HDHD5: variants seen among roughly 807,000 people sequenced by gnomAD.
The protein encoded by HDHD5 is haloacid dehalogenase like hydrolase domain containing 5.
HDHD5 carries 34 observed loss-of-function variants against 35.5 expected under a neutral mutation model. The observed-to-expected ratio is 0.96, with a 90% CI of 0.73 to 1.28. The LOEUF (loss-of-function observed/expected upper bound fraction) is 1.28. Ranked by LOEUF, HDHD5 falls within the 50% of genes most tolerant of loss-of-function variation. The pLI, the probability that HDHD5 is intolerant of heterozygous loss-of-function variation, is 0.00. For missense variants in HDHD5, 589 were observed against 560.2 expected (o/e 1.05, Z -0.52); for synonymous variants, 248 against 240.6 (o/e 1.03, Z -0.29).
At chr22:17,138,392 G>T in intron 7 of HDHD5, 35 bp from the exon 8 acceptor site, 1 of 1,588,166 alleles carries the variant, frequency 6.3e-7, no homozygotes, top group Non-Finnish European at 8.6e-7. Flanking sequence ...AAGGAAAAAG[G>T]AGAAAAAACC....
chr22:17,149,096 T>C (rs189595770), intron 2 of HDHD5, among the ~76,000 whole-genome samples: 47 of 152,350 alleles, frequency 3.1e-4, no homozygotes. Context: ...TCAGCTATTT[T>C]ATTTACTCTC....
At chr22:17,138,446 G>T (rs2061560411) in intron 7 of HDHD5, 89 bp from the exon 8 acceptor site, 10 of 1,544,462 alleles carry the variant, frequency 6.5e-6, no homozygotes, top group Non-Finnish European at 8.8e-6. Flanking sequence ...AAGAGTTTCG[G>T]GGCAGAAGAG....
upstream of HDHD5, among the ~76,000 whole-genome samples, chr22:17,161,581 G>A (rs1469291616): frequency 2.0e-5 from 3 of 149,182 alleles, no homozygotes; most frequent in African/African-American, 4.9e-5. Context: ...AAAAAAAGCT[G>A]GAGTTGGGTG....
upstream of HDHD5, among the ~76,000 whole-genome samples, chr22:17,160,713 C>G (rs997928195): frequency 3.3e-5 from 5 of 151,656 alleles, no homozygotes; most frequent in Non-Finnish European, 5.9e-5. Context: ...TCCTTTGGTC[C>G]TCAGCTTTGA....
At position 17,148,434 on chromosome 22, in the gene HDHD5, G is replaced by C. The variant is rs368866609; in HGVS notation, c.443+14C>G. 1.4e-5 allele frequency: 23 copies of C among 1,603,910 alleles called. No individual in the cohort carries two copies. The South Asian group carries it at 2.2e-4, about 15-fold the overall frequency. On this transcript the variant is annotated intron_variant, in intron 3 of 7. Transcript: ENST00000336737. ...GCCCCTTCCCTTCAGCCAGAGTTAAGACCAAAAGGATACCCCTGGGCATTT... is the reference window on the plus strand; with the variant it reads ...GCCCCTTCCCTTCAGCCAGAGTTAACACCAAAAGGATACCCCTGGGCATTT...
chr22:17,159,286 GCCCCCC>G, upstream of HDHD5: 1 of 1,039,838 alleles, frequency 9.6e-7, no homozygotes, highest in Non-Finnish European at 1.2e-6. Context: ...ACGGCGTGCG[GCCCCCC>G]CCCCCCGCGA....
At position 17,138,267 on chromosome 22, in the gene HDHD5, G is replaced by C; in HGVS notation, c.1026C>G (p.Ala342=). The C allele has an allele frequency of 1.2e-6, 2 of 1,614,198 alleles. No individual in the cohort carries two copies. Among genetic ancestry groups the C allele is most frequent in the Non-Finnish European group, 1.7e-6 (2 of 1,180,042 alleles). Residue 342 remains alanine, a synonymous_variant, in exon 8 of 8, where the codon GCC becomes GCG. Coordinates refer to ENST00000336737, the MANE Select transcript of HDHD5 (RefSeq NM_033070.3). ...ATHDGAPELG[A]GGTRQQQPSA... ...AGGGCTGTTGCTGCCGTGTGCCCCC[G>C]GCCCCTAGTTCTGGCGCCCCATCAT...
rs1036554724 is a variant in HDHD5, at chr22:17,143,234, C to G, written c.538-103G>C. Reference sequence around the variant, plus strand: ...GCTGGGAGGGGAGGGGAGACACACTCCACAGACCCCACACCCGTGGTCAAG... The same window carrying G: ...GCTGGGAGGGGAGGGGAGACACACTGCACAGACCCCACACCCGTGGTCAAG... On this transcript the variant is annotated intron_variant, in intron 4 of 7. Coordinates refer to ENST00000336737, the MANE Select transcript of HDHD5 (RefSeq NM_033070.3). The G allele has an allele frequency of 7.3e-6, 9 of 1,226,818 alleles. No homozygotes were observed. In the African/African-American group the frequency reaches 1.4e-4, roughly 19 times the overall value. 76.0% of individuals were successfully genotyped at this position (1,226,818 alleles called of 1,614,324 possible). A position where few individuals can be genotyped will look rare whatever the true frequency, so the allele number is the denominator to read the frequency against.
chr22:17,149,807 G>C (rs1007008432), intron 1 of HDHD5, 62 bp from the exon 2 acceptor site: 6 of 1,462,960 alleles, frequency 4.1e-6, no homozygotes, highest in South Asian at 3.5e-5. Flanking sequence ...CTTACAAAGA[G>C]AGGCTCAACA....
At chr22:17,150,014 G>A (rs546940618) in intron 1 of HDHD5, among the ~76,000 whole-genome samples, 2 of 151,966 alleles carry the variant, frequency 1.3e-5, no homozygotes, top group South Asian at 2.1e-4. Flanking sequence ...GCATGATCAC[G>A]GCTCACTGCA....
At chr22:17,156,272 G>A (rs1479585000) in intron 1 of HDHD5, among the ~76,000 whole-genome samples, 2 of 152,096 alleles carry the variant, frequency 1.3e-5, no homozygotes, top group Non-Finnish European at 2.9e-5. Context: ...GTAGGCCTGG[G>A]CTAGTAGGTG....
intron 3 of HDHD5, among the ~76,000 whole-genome samples, chr22:17,148,096 T>A (rs555642426): frequency 6.6e-5 from 10 of 151,890 alleles, no homozygotes; most frequent in African/African-American, 1.9e-4. Context: ...AGAGCAGGGG[T>A]TCCCAAACCC....
At chr22:17,165,131 A>G in intron 1 of HDHD5, 1 of 729,588 alleles carries the variant, frequency 1.4e-6, no homozygotes. Context: ...CCTACTAGTC[A>G]TGTTTCCCTG....
intron 5 of HDHD5, chr22:17,142,794 T>A (rs1310052360): frequency 3.2e-6 from 1 of 310,310 alleles, no homozygotes; most frequent in Non-Finnish European, 5.9e-6. Flanking sequence ...GTTCTTGGTA[T>A]AAAAAGGGGA....
intron 1 of HDHD5, 47 bp from the exon 2 acceptor site, chr22:17,149,792 C>T: frequency 1.3e-6 from 2 of 1,554,174 alleles, no homozygotes; most frequent in African/African-American, 1.4e-5. Context: ...AACAAAGAAA[C>T]AACCCTTACA....
chr22:17,152,964 CAGG>C (rs1046977960), intron 1 of HDHD5, among the ~76,000 whole-genome samples: 2 of 152,010 alleles, frequency 1.3e-5, no homozygotes, highest in African/African-American at 4.8e-5. Flanking sequence ...CCTGGAAAAA[CAGG>C]AGGAAGCAAC....
rs1373475447 is a variant in HDHD5, at chr22:17,141,028, C to CA, written c.746+30dup. On this transcript the variant is annotated intron_variant, in intron 6 of 7. Transcript: ENST00000336737. ...CAGGCAGCAGCCAGGAATAGACCAC[C>CA]AGGCCAAGGCTGGGAGCTTTGTGTC... The CA allele has an allele frequency of 2.6e-6, 4 of 1,539,966 alleles. No homozygotes were observed. In the African/African-American group the frequency reaches 5.7e-5, roughly 22 times the overall value.
chr22:17,144,900 C>T lies in HDHD5; in HGVS notation c.537+124G>A, dbSNP rs2061643231. The T allele has an allele frequency of 6.8e-6, 8 of 1,175,692 alleles. No individual in the cohort carries two copies. The South Asian group carries it at 8.2e-5, about 12-fold the overall frequency. 72.8% of individuals were successfully genotyped at this position (1,175,692 alleles called of 1,614,324 possible). ...GGAACAAAACCCTTAGCCAGATGTGCCTCCAAAGAAGCATGGACAAATCAC... is the reference window on the plus strand; with the variant it reads ...GGAACAAAACCCTTAGCCAGATGTGTCTCCAAAGAAGCATGGACAAATCAC... On this transcript the variant is annotated intron_variant, in intron 4 of 7. Transcript: ENST00000336737.
intron 1 of HDHD5, among the ~76,000 whole-genome samples, chr22:17,153,571 G>C (rs567360001): frequency 9.9e-5 from 15 of 152,196 alleles, no homozygotes; most frequent in Non-Finnish European, 1.8e-4. Flanking sequence ...CCCACAGATA[G>C]ATTTCAGGAT....
Sources: gnomAD v4.1 joint callset for allele counts (sites outside exome capture counted in the v4.1 genomes callset) on GRCh38, gnomAD v4.1.1 for gene constraint, MANE v1.5 for transcripts, NCBI Gene and HGNC (gene_info 2026-07-23, HGNC 2026-07-21) for gene names.